The following ARHGEF28 variants were observed in gnomAD, a reference collection of about 807,000 sequenced individuals.
ARHGEF28 encodes 190 kDa guanine nucleotide exchange factor.
ARHGEF28 carries 152 observed loss-of-function variants against 206.6 expected under a neutral mutation model. The observed-to-expected ratio is 0.74, with a 90% confidence interval of 0.64 to 0.84. The LOEUF (loss-of-function observed/expected upper bound fraction) is 0.84, where lower values mean the gene tolerates loss of function less well. Among genes scored for constraint, ARHGEF28 ranks in the 40% least tolerant of loss-of-function variants. The pLI is 0.00. For missense variants in ARHGEF28, 2,028 were observed against 2,073.2 expected (o/e 0.98, Z 0.42); for synonymous variants, 763 against 776.4 (o/e 0.98, Z 0.29).
intron 1 of ARHGEF28, among the ~76,000 whole-genome samples, chr5:73,630,137 A>G (rs1199617132): frequency 3.3e-5 from 5 of 152,258 alleles, no homozygotes; most frequent in Admixed American, 6.5e-5. Flanking sequence ...AAATATATAT[A>G]ATAGACATTC....
intron 1 of ARHGEF28, among the ~76,000 whole-genome samples, chr5:73,649,098 T>C (rs1744631615): frequency 6.6e-6 from 1 of 152,246 alleles, no homozygotes; most frequent in African/African-American, 2.4e-5. Context: ...TTATTATGTA[T>C]GATCCCCATT....
chr5:73,910,441 T>C (rs1004651931), intron 34 of ARHGEF28, among the ~76,000 whole-genome samples: 5 of 145,202 alleles, frequency 3.4e-5, no homozygotes, highest in Admixed American at 1.4e-4. Flanking sequence ...ATGGGATCAC[T>C]GCACTCTGCC....
At chr5:73,704,235 G>A (rs1017974982) in intron 2 of ARHGEF28, among the ~76,000 whole-genome samples, 2 of 152,012 alleles carry the variant, frequency 1.3e-5, no homozygotes, top group Admixed American at 1.3e-4. Context: ...CCCAGGGTAG[G>A]TCAGTGAATT....
intron 2 of ARHGEF28, among the ~76,000 whole-genome samples, chr5:73,716,714 C>T (rs537889243): frequency 5.3e-5 from 8 of 152,036 alleles, no homozygotes; most frequent in African/African-American, 1.7e-4. Flanking sequence ...CAGCATTGTC[C>T]GTAGTAATAT....
intron 2 of ARHGEF28, among the ~76,000 whole-genome samples, chr5:73,746,661 G>C (rs942722488): frequency 6.6e-5 from 10 of 152,030 alleles, no homozygotes; most frequent in African/African-American, 2.4e-4. Flanking sequence ...TCATTTGGTA[G>C]AAGGCATGTT....
intron 6 of ARHGEF28, 113 bp from the exon 7 acceptor site, chr5:73,780,563 C>A: frequency 8.8e-7 from 1 of 1,135,738 alleles, no homozygotes. Context: ...CTCTATTTCC[C>A]AACCTCCTAG....
intron 10 of ARHGEF28, among the ~76,000 whole-genome samples, chr5:73,835,765 T>C (rs993715882): frequency 2.6e-5 from 4 of 152,132 alleles, no homozygotes; most frequent in African/African-American, 9.7e-5. Context: ...GATAAAACAA[T>C]CTGGGGCTTG....
At chr5:73,652,624 A>T (rs1411185311) in intron 1 of ARHGEF28, among the ~76,000 whole-genome samples, 1 of 152,234 alleles carries the variant, frequency 6.6e-6, no homozygotes, top group African/African-American at 2.4e-5. Flanking sequence ...AAAGTGGTTG[A>T]ACTGGAAATT....
chr5:73,771,547 C>CAA (rs59263206), intron 4 of ARHGEF28, among the ~76,000 whole-genome samples: 1,866 of 139,934 alleles, frequency 0.013, 21 homozygotes, highest in African/African-American at 0.037. Flanking sequence ...GACTCCATCT[C>CAA]AAAAAAAAAA....
intron 33 of ARHGEF28, among the ~76,000 whole-genome samples, chr5:73,906,967 G>C (rs1412781179): frequency 1.3e-5 from 2 of 152,000 alleles, no homozygotes; most frequent in Non-Finnish European, 2.9e-5. Flanking sequence ...TGATATTATG[G>C]CTATTTGTCA....
chr5:73,705,189 G>A (rs1296034578), intron 2 of ARHGEF28, among the ~76,000 whole-genome samples: 1 of 152,106 alleles, frequency 6.6e-6, no homozygotes, highest in African/African-American at 2.4e-5. Context: ...CAGAAGTGGA[G>A]GTGCTTTTGT....
intron 9 of ARHGEF28, among the ~76,000 whole-genome samples, chr5:73,821,482 C>G (rs1428640994): frequency 6.6e-6 from 1 of 152,126 alleles, no homozygotes; most frequent in Non-Finnish European, 1.5e-5. Flanking sequence ...GGAAGAAAAT[C>G]ATTTTTGTGT....
At chr5:73,898,144 CT>C in intron 30 of ARHGEF28, 51 bp downstream of exon 30, 1 of 1,586,188 alleles carries the variant, frequency 6.3e-7, no homozygotes, top group South Asian at 1.1e-5. Context: ...GTCCCTGGAG[CT>C]TACAGTGGTC....
At chr5:73,664,435 C>T (rs1029680552) in intron 1 of ARHGEF28, among the ~76,000 whole-genome samples, 10 of 152,168 alleles carry the variant, frequency 6.6e-5, no homozygotes, top group Admixed American at 2.0e-4. Context: ...GGTTCTGTCA[C>T]TTTCTTGTTG....
chr5:73,852,059 A>T (rs554761891), intron 13 of ARHGEF28, among the ~76,000 whole-genome samples: 1 of 152,200 alleles, frequency 6.6e-6, no homozygotes, highest in African/African-American at 2.4e-5. Flanking sequence ...AACTCTGGAA[A>T]CAAGATGGCT....
At chr5:73,674,953 C>T (rs73762154) in intron 1 of ARHGEF28, among the ~76,000 whole-genome samples, 2 of 152,162 alleles carry the variant, frequency 1.3e-5, no homozygotes, top group East Asian at 1.9e-4. Flanking sequence ...CTGTACCCTT[C>T]GTAATATCCT....
chr5:73,924,519 A>G (rs760311454), intron 35 of ARHGEF28, among the ~76,000 whole-genome samples: 2 of 152,170 alleles, frequency 1.3e-5, no homozygotes, highest in African/African-American at 4.8e-5. Context: ...TGTTACTATT[A>G]TATCTTGTGG....
At chr5:73,931,113 T>G (rs1315353006) in intron 35 of ARHGEF28, among the ~76,000 whole-genome samples, 1 of 152,244 alleles carries the variant, frequency 6.6e-6, no homozygotes, top group East Asian at 1.9e-4. Context: ...GTTTTTTAAA[T>G]AATTTGTCTG....
Position 73,786,557 on chromosome 5 carries a change from C to A in ARHGEF28, c.910+5812C>A, listed in dbSNP as rs1056657811. On this transcript the variant is annotated intron_variant, in intron 7 of 35. Coordinates refer to ENST00000513042, the MANE Select transcript of ARHGEF28 (RefSeq NM_001177693.2). ...ATCTCTCTCAAGTCCTTATGACCCG[C>A]AGGCACAGACATGTCTCGATGACAC... The A allele has an allele frequency of 7.9e-5, 12 of 152,162 alleles. No homozygotes were observed. In the East Asian group the frequency reaches 2.3e-3, roughly 29 times the overall value. 9.4% of individuals were successfully genotyped at this position (152,162 alleles called of 1,614,324 possible). A position where few individuals can be genotyped will look rare whatever the true frequency, so the allele number is the denominator to read the frequency against.
Sources: gnomAD v4.1 joint callset for allele counts (sites outside exome capture counted in the v4.1 genomes callset) on GRCh38, gnomAD v4.1.1 for gene constraint, MANE v1.5 for transcripts, NCBI Gene and HGNC (gene_info 2026-07-23, HGNC 2026-07-21) for gene names.